SP100: variants seen among roughly 807,000 people sequenced by gnomAD.
SP100 encodes nuclear autoantigen Sp-100.
Under a neutral mutation model 130.0 loss-of-function variants are expected in SP100, and 84 were observed. The observed-to-expected ratio is 0.65, with a 90% confidence interval of 0.54 to 0.77. The LOEUF is 0.77. Among genes scored for constraint, SP100 ranks in the 30% least tolerant of loss-of-function variants. The pLI is 0.00. For missense variants in SP100, 978 were observed against 1,052.2 expected, an observed-to-expected ratio of 0.93 and a Z score of 0.97; for synonymous variants, 331 against 351.7, an observed-to-expected ratio of 0.94 and a Z score of 0.66.
At chr2:230,509,844 A>G (rs1165187833) in intron 23 of SP100, 1 of 152,190 alleles carries the variant, frequency 6.6e-6, no homozygotes, top group African/African-American at 2.4e-5. Context: ...CCAAGTGACA[A>G]TTGTGTTCAC....
intron 8 of SP100, among the ~76,000 whole-genome samples, chr2:230,461,047 C>T (rs2149963254): frequency 6.6e-6 from 1 of 151,604 alleles, no homozygotes; most frequent in African/African-American, 2.4e-5. Flanking sequence ...TATTAACCAT[C>T]AAAGAATGAG....
chr2:230,486,377 C>T (rs1202737796), intron 17 of SP100, among the ~76,000 whole-genome samples: 1 of 152,182 alleles, frequency 6.6e-6, no homozygotes, highest in Admixed American at 6.5e-5. Context: ...TCCCTGTGTC[C>T]ATGTGTTCTC....
chr2:230,449,767 C>T, intron 7 of SP100, 57 bp downstream of exon 7: 1 of 1,580,868 alleles, frequency 6.3e-7, no homozygotes, highest in East Asian at 2.2e-5. Context: ...TGGCTGGTGG[C>T]AGAGGAAGAG....
intron 24 of SP100, among the ~76,000 whole-genome samples, chr2:230,517,714 G>A (rs1404245845): frequency 2.0e-5 from 3 of 150,050 alleles, no homozygotes; most frequent in East Asian, 1.9e-4. Context: ...ACAGTGAGCC[G>A]AGATTGCACC....
Position 230,541,984 on chromosome 2 carries a change from G to A in SP100, c.2496G>A (p.Gly832=). The part of the protein sequence containing the change: ...LNEQMYTRVE[G]FVQDMRLIFH... The stretch of plus-strand genomic sequence containing the variant: ...AGCAGATGTACACCCGAGTAGAAGG[G>A]TTTGTGCAGGACATGCGTCTCATCT... The change falls in exon 28 of 29, where the codon GGG becomes GGA. Residue 832 remains glycine, a synonymous_variant. Transcript: ENST00000340126. 1 of 1,614,148 alleles carries A rather than the reference G, an allele frequency of 6.2e-7. No individual in the cohort carries two copies. Among genetic ancestry groups the A allele is most frequent in the South Asian group, 1.1e-5 (1 of 91,086 alleles).
chr2:230,529,435 A>G (rs1159999958), intron 24 of SP100, among the ~76,000 whole-genome samples: 1 of 152,238 alleles, frequency 6.6e-6, no homozygotes, highest in Non-Finnish European at 1.5e-5. Flanking sequence ...ATCTCAAAAT[A>G]ATAAGAGCTA....
intron 4 of SP100, among the ~76,000 whole-genome samples, chr2:230,445,315 A>G (rs2063659683): frequency 6.6e-6 from 1 of 152,260 alleles, no homozygotes; most frequent in South Asian, 2.1e-4. Flanking sequence ...AAATGGGCAC[A>G]TGCTCTGAAG....
intron 24 of SP100, among the ~76,000 whole-genome samples, chr2:230,517,533 A>T (rs759969640): frequency 6.6e-6 from 1 of 152,188 alleles, no homozygotes; most frequent in Non-Finnish European, 1.5e-5. Context: ...AGGCCAAGGC[A>T]GGCAGATCAC....
At chr2:230,494,367 T>C (rs779811297) in intron 17 of SP100, 49 bp from the exon 18 acceptor site, 20 of 1,359,990 alleles carry the variant, frequency 1.5e-5, no homozygotes, top group Non-Finnish European at 1.8e-5. Context: ...AGTGTGTAAA[T>C]CTTTGTTTAT....
chr2:230,537,496 T>G (rs1014084379), intron 24 of SP100: 2 of 152,174 alleles, frequency 1.3e-5, no homozygotes, highest in Non-Finnish European at 2.9e-5. Flanking sequence ...GGCCATTTCT[T>G]ACAGCCCACA....
Position 230,416,310 on chromosome 2 carries a change from G to A in SP100, c.14G>A (p.Gly5Asp). The A allele has an allele frequency of 1.2e-6, 2 of 1,613,568 alleles. No homozygotes were observed. The highest frequency in any genetic ancestry group is 1.7e-6 in the Non-Finnish European group (2 of 1,179,656). MAGG[G>D]GDLSTRRLNE... The stretch of plus-strand genomic sequence containing the variant: ...TAGGGTGGGAAGATGGCAGGTGGGG[G>A]CGGCGACCTGAGCACCAGGTGAGTC... The change falls in exon 1 of 29, where the codon GGC (glycine) becomes GAC (aspartate). Residue 5 changes from glycine to aspartate, a missense_variant. Transcript: ENST00000340126.
intron 24 of SP100, chr2:230,538,934 G>A (rs1488513816): frequency 3.6e-5 from 8 of 222,194 alleles, no homozygotes; most frequent in Admixed American, 1.9e-4. Flanking sequence ...TAAAGGATAC[G>A]ATGTAGACAG....
rs532679729 is a variant in SP100 at position 230,435,479 on chromosome 2, A to G, written c.108-7458A>G. 7.9e-5 allele frequency among the ~76,000 whole-genome samples: 12 copies of G among 152,248 alleles called. No individual in the cohort carries two copies. The South Asian group carries it at 2.3e-3, about 29-fold the overall frequency. Reference sequence around the variant, plus strand: ...TATTAAGAGAAATCTTCCTTTAACTATTCTCTTCTCAAATGTTTTTTGTCT... The same window carrying G: ...TATTAAGAGAAATCTTCCTTTAACTGTTCTCTTCTCAAATGTTTTTTGTCT... On this transcript the variant is annotated intron_variant, in intron 2 of 28. Coordinates refer to ENST00000340126, the MANE Select transcript of SP100 (RefSeq NM_001080391.2).
intron 24 of SP100, chr2:230,520,607 A>G (rs1439477269): frequency 1.3e-5 from 2 of 152,250 alleles, no homozygotes; most frequent in Non-Finnish European, 2.9e-5. Context: ...CGGAGGCCGC[A>G]TATGTCGTCC....
intron 18 of SP100, among the ~76,000 whole-genome samples, chr2:230,495,334 C>A (rs1166681863): frequency 6.6e-6 from 1 of 151,656 alleles, no homozygotes; most frequent in Non-Finnish European, 1.5e-5. Context: ...TTATTTTTTT[C>A]TTTTTTGAGA....
intron 24 of SP100, among the ~76,000 whole-genome samples, chr2:230,519,420 T>G (rs1184974069): frequency 1.3e-5 from 2 of 152,236 alleles, no homozygotes; most frequent in Non-Finnish European, 2.9e-5. Context: ...TCATTTTCAT[T>G]CTTTAGTTGT....
chr2:230,508,096 G>T, intron 23 of SP100, 65 bp downstream of exon 23: 1 of 1,591,598 alleles, frequency 6.3e-7, no homozygotes, highest in Non-Finnish European at 8.5e-7. Context: ...TATCTCTGTG[G>T]ACTTACAGTC....
At chr2:230,483,271 A>C (rs2065914577) in intron 17 of SP100, among the ~76,000 whole-genome samples, 1 of 152,192 alleles carries the variant, frequency 6.6e-6, no homozygotes, top group Non-Finnish European at 1.5e-5. Context: ...GTCCAAGGAG[A>C]GCCTTGCTAA....
chr2:230,524,179 CAA>C (rs71420292), intron 24 of SP100, among the ~76,000 whole-genome samples: 41 of 75,390 alleles, frequency 5.4e-4, no homozygotes, highest in African/African-American at 1.9e-3. Context: ...ACTAAAAATA[CAA>C]AAAAAAAAAA....
Sources: gnomAD v4.1 joint callset for allele counts (sites outside exome capture counted in the v4.1 genomes callset) on GRCh38, gnomAD v4.1.1 for gene constraint, MANE v1.5 for transcripts, NCBI Gene and HGNC (gene_info 2026-07-23, HGNC 2026-07-21) for gene names.